DCP1B: variants seen among roughly 807,000 people sequenced by gnomAD.
The protein encoded by DCP1B is decapping mRNA 1B, also known as mRNA-decapping enzyme 1B.
A neutral mutation model predicts 60.5 loss-of-function variants in DCP1B; 47 were observed. The ratio of observed to expected loss-of-function variants is 0.78; its 90% CI spans 0.61 to 0.99. DCP1B has a LOEUF of 0.99. Ranked by LOEUF, DCP1B falls within the 50% of genes least tolerant of loss-of-function variation. The pLI is 0.00. For synonymous variants in DCP1B, 267 were observed against 280.3 expected (o/e 0.95, Z 0.47); for missense variants, 725 against 756.8 (o/e 0.96, Z 0.49).
intron 1 of DCP1B, among the ~76,000 whole-genome samples, chr12:2,000,266 T>G (rs1033498185): frequency 1.3e-5 from 2 of 152,214 alleles, no homozygotes; most frequent in Non-Finnish European, 2.9e-5. Flanking sequence ...GTGATAGAAC[T>G]AGGACTTTGC....
At chr12:1,953,391 G>T in intron 6 of DCP1B, 103 bp from the exon 7 acceptor site, 1 of 1,270,456 alleles carries the variant, frequency 7.9e-7, no homozygotes, top group Non-Finnish European at 1.1e-6. Flanking sequence ...TATTTACAAA[G>T]GATTGATTAG....
Position 2,004,411 on chromosome 12 carries a change from G to T in DCP1B, c.21C>A (p.Gly7=), listed in dbSNP as rs1252333790. The T allele has an allele frequency of 6.2e-7, 1 of 1,610,496 alleles. No individual in the cohort carries two copies. Residue 7 remains glycine (G), a synonymous_variant, in exon 1 of 9, where the codon GGC becomes GGA. Transcript: ENST00000280665. The part of the protein sequence containing the change: MAAVAA[G]GLVGKGRDIS... ...TGTCGCGCCCCTTTCCCACCAGGCC[G>T]CCTGCCGCCACGGCTGCCATCTTCC...
At chr12:1,994,145 A>G (rs894901509) in intron 2 of DCP1B, among the ~76,000 whole-genome samples, 1 of 152,254 alleles carries the variant, frequency 6.6e-6, no homozygotes, top group Non-Finnish European at 1.5e-5. Flanking sequence ...AAACTCTAAC[A>G]ACTACATGTG....
At chr12:1,997,239 T>A (rs1350929100) in intron 2 of DCP1B, among the ~76,000 whole-genome samples, 1 of 152,210 alleles carries the variant, frequency 6.6e-6, no homozygotes, top group African/African-American at 2.4e-5. Flanking sequence ...GGGAGAAAAG[T>A]GATCAACAGC....
At chr12:1,974,953 T>C (rs2033845723) in intron 3 of DCP1B, among the ~76,000 whole-genome samples, 1 of 152,178 alleles carries the variant, frequency 6.6e-6, no homozygotes, top group African/African-American at 2.4e-5. Context: ...AACAGACTTC[T>C]TCATATTTGA....
intron 3 of DCP1B, among the ~76,000 whole-genome samples, chr12:1,976,567 G>A (rs765655315): frequency 2.0e-5 from 3 of 152,132 alleles, no homozygotes; most frequent in Non-Finnish European, 4.4e-5. Context: ...TTAAGGTCTT[G>A]TCTTCCTGGG....
intron 1 of DCP1B, 31 bp downstream of exon 1, chr12:2,004,251 G>C (rs764628056): frequency 6.2e-7 from 1 of 1,611,640 alleles, no homozygotes; most frequent in South Asian, 1.1e-5. Flanking sequence ...CCCAACCCTG[G>C]GCTGCACTGC....
Position 1,997,982 on chromosome 12 carries a change from A to G in DCP1B, c.151-7T>C. On this transcript the variant is annotated splice_region_variant and splice_polypyrimidine_tract_variant and intron_variant, in intron 1 of 8. Coordinates refer to ENST00000280665, the MANE Select transcript of DCP1B (RefSeq NM_152640.5). The stretch of plus-strand genomic sequence containing the variant: ...CTTCCACATCAGTTTTCTCCTAAAC[A>G]ATAAAAACAAAACACACAAGACATG... The G allele has an allele frequency of 6.2e-7, 1 of 1,607,914 alleles. No homozygotes were observed. Among genetic ancestry groups the G allele is most frequent in the Non-Finnish European group, 8.5e-7 (1 of 1,177,520 alleles).
Position 1,989,207 on chromosome 12 carries a change from G to A in DCP1B, c.319+4057C>T, listed in dbSNP as rs540689225. 2.0e-5 allele frequency among the ~76,000 whole-genome samples: 3 copies of A among 152,288 alleles called. No individual in the cohort carries two copies. In the South Asian group the frequency reaches 6.2e-4, roughly 32 times the overall value. On this transcript the variant is annotated intron_variant, in intron 3 of 8. Transcript: ENST00000280665. ...GAAACCAGCCTGGGAAACACAGCAA[G>A]ATCCTGTCTCTAAAAAGGTTGTTTT...
At chr12:1,981,407 C>T (rs1235680843) in intron 3 of DCP1B, among the ~76,000 whole-genome samples, 2 of 152,152 alleles carry the variant, frequency 1.3e-5, no homozygotes, top group African/African-American at 2.4e-5. Context: ...ACATTTAATG[C>T]AAGGAATTCA....
intron 3 of DCP1B, among the ~76,000 whole-genome samples, chr12:1,983,246 T>A (rs964405032): frequency 6.6e-6 from 1 of 151,886 alleles, no homozygotes; most frequent in Non-Finnish European, 1.5e-5. Flanking sequence ...TTTTATCTCA[T>A]TGATTTCTCT....
In DCP1B at chr12:1,952,721, A is replaced by C. The variant is rs763551079; in HGVS notation, c.1219T>G (p.Tyr407Asp). ...TGAGGTGGAAGGGAGCCATTGAAAT[A>C]GGCCTGTGGTGGCTGAGCCAGACCC... is the stretch of plus-strand genomic sequence containing the variant. ...GKGLAQPPQAYFNGSLPPQTV... is the reference protein window; with the variant it reads ...GKGLAQPPQADFNGSLPPQTV... Residue 407 changes from tyrosine to aspartate, a missense_variant, in exon 7 of 9, where the codon TAT becomes GAT. Transcript: ENST00000280665. The C allele has an allele frequency of 5.0e-6, 8 of 1,614,140 alleles. No homozygotes were observed. The highest frequency in any genetic ancestry group is 6.8e-6 in the Non-Finnish European group (8 of 1,180,016).
chr12:1,971,047 C>T lies in DCP1B; in HGVS notation c.320-3137G>A, dbSNP rs538949921. The T allele has an allele frequency of 3.1e-6, 4 of 1,280,056 alleles. No individual in the cohort carries two copies. Among genetic ancestry groups the T allele is most frequent in the East Asian group, 5.6e-5 (1 of 17,930 alleles). The allele number at this position is 1,280,056 out of a possible 1,614,324, so 79.3% of individuals were successfully genotyped here. ...CTTTAAAAATCAACCAATTAATATACATCTGGAAATTCACAATGCTTCGAG... is the reference window on the plus strand; with the variant it reads ...CTTTAAAAATCAACCAATTAATATATATCTGGAAATTCACAATGCTTCGAG... On this transcript the variant is annotated intron_variant, in intron 3 of 8. Coordinates refer to ENST00000280665, the MANE Select transcript of DCP1B (RefSeq NM_152640.5). This position sits in a 1 kb window ranked among gnomAD's most constrained non-coding sequence, Gnocchi z 4.2.
At chr12:2,000,455 TTC>T (rs373642499) in intron 1 of DCP1B, among the ~76,000 whole-genome samples, 1 of 150,774 alleles carries the variant, frequency 6.6e-6, no homozygotes, top group African/African-American at 2.4e-5. Flanking sequence ...GTAACAGAAA[TTC>T]TCTTTTCTTA....
At chr12:1,947,942 C>T (rs932403614) in intron 8 of DCP1B, among the ~76,000 whole-genome samples, 44 of 152,254 alleles carry the variant, frequency 2.9e-4, no homozygotes, top group Middle Eastern at 3.4e-3. Flanking sequence ...GGATTACAGG[C>T]GTGAGCAGCC....
chr12:2,001,099 G>A (rs910547816), intron 1 of DCP1B, among the ~76,000 whole-genome samples: 3 of 151,384 alleles, frequency 2.0e-5, no homozygotes, highest in African/African-American at 4.9e-5. Flanking sequence ...ATGAAAAAAC[G>A]TCAGGCGCTC....
At chr12:1,983,890 TCA>T (rs1268727795) in intron 3 of DCP1B, among the ~76,000 whole-genome samples, 1 of 152,180 alleles carries the variant, frequency 6.6e-6, no homozygotes, top group African/African-American at 2.4e-5. Flanking sequence ...ACTTTTTGCT[TCA>T]CACACTTTGA....
At chr12:1,969,140 T>TA (rs1377712860) in intron 3 of DCP1B, among the ~76,000 whole-genome samples, 2 of 152,246 alleles carry the variant, frequency 1.3e-5, no homozygotes, top group Non-Finnish European at 2.9e-5. Context: ...TCAAACTTTC[T>TA]AAACACGTAA....
intron 3 of DCP1B, chr12:1,992,582 G>C (rs1302620855): frequency 6.4e-6 from 1 of 155,450 alleles, no homozygotes; most frequent in African/African-American, 2.4e-5. Context: ...CCTGCAACTG[G>C]CATATTTTCA....
Sources: allele counts gnomAD v4.1 joint callset (sites outside exome capture counted in the v4.1 genomes callset), GRCh38; gene constraint gnomAD v4.1.1; non-coding constraint Gnocchi (gnomAD v3.1); transcripts MANE v1.5; gene names NCBI Gene and HGNC (gene_info 2026-07-23, HGNC 2026-07-21).